Variants in HEATR1 observed in about 807,000 individuals in gnomAD.
HEATR1 encodes the protein HEAT repeat-containing protein 1.
HEATR1 carries 77 observed loss-of-function variants against 248.2 expected under a neutral mutation model. That is an observed-to-expected ratio of 0.31 (90% CI 0.26 to 0.37). The LOEUF (loss-of-function observed/expected upper bound fraction) is 0.37. Ranked by LOEUF, HEATR1 falls within the 10% of genes least tolerant of loss-of-function variation. HEATR1 has a pLI of 1.00. For missense variants in HEATR1, 2,420 were observed against 2,504.9 expected (o/e 0.97, Z 0.72); for synonymous variants, 897 against 923.1 (o/e 0.97, Z 0.51).
rs1558184830 is a variant in HEATR1 at position 236,576,280 on chromosome 1, T to TACACACAAC, written c.3014_3022dup (p.Val1007_Tyr1008insCysCysVal). 6.2e-7 allele frequency: 1 copy of TACACACAAC among 1,611,198 alleles called. No individual in the cohort carries two copies. The highest frequency in any genetic ancestry group is 1.3e-5 in the African/African-American group (1 of 74,944). ...TTTTGCTATATAAGATGGGCAACTA[T>TACACACAAC]ACACACAACTAAGTAAGTTTTTCAA... On this transcript the variant is annotated inframe_insertion, in exon 22 of 45. Transcript: ENST00000366582.
Position 236,574,719 on chromosome 1 carries a change from T to C in HEATR1, c.3269A>G (p.His1090Arg), listed in dbSNP as rs770073279. 2 of 1,613,874 alleles carry C rather than the reference T, an allele frequency of 1.2e-6. No homozygotes were observed. Among genetic ancestry groups the C allele is most frequent in the Admixed American group, 3.3e-5 (2 of 60,008 alleles). ...TCCCGCGTAAAGTTCCTTTGTTGTGTGCACAGCTTTTATAAATATATCTAG... is the reference window on the plus strand; with the variant it reads ...TCCCGCGTAAAGTTCCTTTGTTGTGCGCACAGCTTTTATAAATATATCTAG... ...KSLDIFIKAV[H>R]TTKELYAGMP... The change falls in exon 23 of 45, where the codon CAC (histidine) becomes CGC (arginine). Residue 1090 changes from histidine to arginine, a missense_variant. Transcript: ENST00000366582.
chr1:236,576,753 C>T (rs1330842781), intron 21 of HEATR1, 27 bp downstream of exon 21: 2 of 1,593,310 alleles, frequency 1.3e-6, no homozygotes, highest in Non-Finnish European at 1.7e-6. Context: ...CATGAACACA[C>T]TCAATCTTCT....
intron 9 of HEATR1, 82 bp downstream of exon 9, chr1:236,593,930 C>T: frequency 1.1e-6 from 1 of 904,784 alleles, no homozygotes; most frequent in Non-Finnish European, 1.7e-6. Flanking sequence ...AAAAGGAATG[C>T]TGGGAAATTT....
intron 8 of HEATR1, 128 bp downstream of exon 8, chr1:236,595,412 G>T: frequency 1.4e-6 from 1 of 725,308 alleles, no homozygotes; most frequent in Non-Finnish European, 2.1e-6. Context: ...TTAAGAAATA[G>T]ACAAGTTACA....
intron 31 of HEATR1, among the ~76,000 whole-genome samples, chr1:236,565,081 C>T (rs1367186890): frequency 6.6e-6 from 1 of 151,608 alleles, no homozygotes; most frequent in Non-Finnish European, 1.5e-5. Flanking sequence ...CACATCACCA[C>T]ATATACCACA....
chr1:236,566,064 AG>A lies in HEATR1; in HGVS notation c.4309-20del, dbSNP rs1663260329. ...TAGCATCCTGTGTAGAAAAAGAAAA[AG>A]GTAACAAATCTGTACTTAGGAATTG... On this transcript the variant is annotated intron_variant, in intron 30 of 44. Coordinates refer to ENST00000366582, the MANE Select transcript of HEATR1 (RefSeq NM_018072.6). 2 of 1,608,316 alleles carry A rather than the reference AG, an allele frequency of 1.2e-6. No individual in the cohort carries two copies. The highest frequency in any genetic ancestry group is 8.5e-7 in the Non-Finnish European group (1 of 1,177,738).
chr1:236,568,340 A>G (rs1256306164), intron 29 of HEATR1, among the ~76,000 whole-genome samples: 2 of 152,232 alleles, frequency 1.3e-5, no homozygotes, highest in Admixed American at 6.5e-5. Flanking sequence ...GAGAACACCA[A>G]TCTAATACTA....
At chr1:236,565,827 C>A in intron 31 of HEATR1, 92 bp downstream of exon 31, 1 of 1,194,948 alleles carries the variant, frequency 8.4e-7, no homozygotes, top group Non-Finnish European at 1.2e-6. Context: ...TTTAAAAATC[C>A]TTCTGAAGAT....
intron 11 of HEATR1, 150 bp from the exon 12 acceptor site, chr1:236,591,104 C>T (rs1156290523): frequency 1.0e-5 from 4 of 396,594 alleles, no homozygotes; most frequent in African/African-American, 8.5e-5. Context: ...AATGCAAAAT[C>T]TTTGTTTCTA....
intron 3 of HEATR1, among the ~76,000 whole-genome samples, chr1:236,599,962 G>A (rs113699762): frequency 0.011 from 1,719 of 151,398 alleles, 12 homozygotes; most frequent in Middle Eastern, 0.034. Context: ...GCACGATCAC[G>A]GGTCACTGCA....
At chr1:236,570,357 T>C (rs2103133291) in intron 28 of HEATR1, among the ~76,000 whole-genome samples, 1 of 152,202 alleles carries the variant, frequency 6.6e-6, no homozygotes, top group East Asian at 1.9e-4. Context: ...GGGCCACATA[T>C]TGTATGACTC....
chr1:236,557,329 G>C lies in HEATR1; in HGVS notation c.5221C>G (p.Leu1741Val). 1.2e-6 allele frequency: 2 copies of C among 1,614,034 alleles called. No individual in the cohort carries two copies. The highest frequency in any genetic ancestry group is 1.7e-6 in the Non-Finnish European group (2 of 1,179,942). Residue 1741 changes from leucine to valine, a missense_variant, in exon 37 of 45, where the codon CTG becomes GTG. Leu to Val is a conservative substitution (Grantham distance 32). Coordinates refer to ENST00000366582, the MANE Select transcript of HEATR1 (RefSeq NM_018072.6). ...PQLPSLMPSL[L>V]TTMKNTSELV... The stretch of plus-strand genomic sequence containing the variant: ...TCGCTGGTGTTCTTCATTGTTGTCA[G>C]CAACGATGGCATCAGGCTAGAAACA...
At chr1:236,583,223 A>T (rs760547650) in intron 17 of HEATR1, 27 bp from the exon 18 acceptor site, 1 of 1,557,262 alleles carries the variant, frequency 6.4e-7, no homozygotes, top group Admixed American at 2.0e-5. Flanking sequence ...AACAAAAACT[A>T]GTACAAACTA....
At chr1:236,584,447 T>A (rs928053457) in intron 17 of HEATR1, among the ~76,000 whole-genome samples, 1 of 152,210 alleles carries the variant, frequency 6.6e-6, no homozygotes, top group African/African-American at 2.4e-5. Flanking sequence ...TAGTAAATCC[T>A]ATAATGAGAA....
rs1315845321 is a variant in HEATR1, at chr1:236,561,276, T to G, written c.4600-5A>C. ...AGGACCACCACTCTCAACTACCTAA[T>G]TTTTAAAGAAGACGTCATTAGAACG... On this transcript the variant is annotated splice_polypyrimidine_tract_variant and splice_region_variant and intron_variant, in intron 32 of 44. Coordinates refer to ENST00000366582, the MANE Select transcript of HEATR1 (RefSeq NM_018072.6). 1 of 1,607,748 alleles carries G rather than the reference T, an allele frequency of 6.2e-7. No individual in the cohort carries two copies. Among genetic ancestry groups the G allele is most frequent in the South Asian group, 1.1e-5 (1 of 90,932 alleles).
At chr1:236,577,557 C>T (rs778195719) in intron 20 of HEATR1, among the ~76,000 whole-genome samples, 34 of 150,404 alleles carry the variant, frequency 2.3e-4, no homozygotes, top group Non-Finnish European at 3.2e-4. Flanking sequence ...GGCACGATCT[C>T]GGCTCACTGC....
intron 29 of HEATR1, among the ~76,000 whole-genome samples, chr1:236,567,736 G>A (rs1232043144): frequency 6.6e-6 from 1 of 152,084 alleles, no homozygotes; most frequent in African/African-American, 2.4e-5. Flanking sequence ...CAATACATGT[G>A]TGAAAAGATA....
In HEATR1 at chr1:236,571,339, A is replaced by G; in HGVS notation, c.3948+12T>C. 6.3e-7 allele frequency: 1 copy of G among 1,586,902 alleles called. No individual in the cohort carries two copies. The highest frequency in any genetic ancestry group is 1.2e-5 in the South Asian group (1 of 85,776). ...GAAATATCTGCTAAAATCTTATATC[A>G]TTAACGCTTACCGGAAATATTCCAG... On this transcript the variant is annotated intron_variant, in intron 28 of 44. Transcript: ENST00000366582.
At chr1:236,582,097 C>G (rs748470316) in intron 19 of HEATR1, among the ~76,000 whole-genome samples, 76 of 152,016 alleles carry the variant, frequency 5.0e-4, no homozygotes, top group Non-Finnish European at 1.0e-3. Flanking sequence ...CCCACAGTAT[C>G]TTTTTATTTA....
Sources: gnomAD v4.1 joint callset for allele counts (sites outside exome capture counted in the v4.1 genomes callset) on GRCh38, gnomAD v4.1.1 for gene constraint, MANE v1.5 for transcripts, NCBI Gene and HGNC (gene_info 2026-07-23, HGNC 2026-07-21) for gene names.